The following TBC1D5 variants were observed in gnomAD, a reference collection of about 807,000 sequenced individuals.
TBC1D5 encodes TBC1 domain family member 5.
Under a neutral mutation model 100.3 loss-of-function variants are expected in TBC1D5, and 75 were observed. The observed-to-expected ratio is 0.75, with a 90% CI of 0.62 to 0.91. The LOEUF (loss-of-function observed/expected upper bound fraction) is 0.91, where lower values mean the gene tolerates loss of function less well. TBC1D5 is among the 40% of genes least tolerant of loss of function. The pLI is 0.00. For synonymous variants in TBC1D5, 323 were observed against 325.6 expected (o/e 0.99, Z 0.09); for missense variants, 910 against 942.4 (o/e 0.97, Z 0.45).
At chr3:17,658,401 C>T (rs1459762273) in intron 1 of TBC1D5, among the ~76,000 whole-genome samples, 1 of 152,144 alleles carries the variant, frequency 6.6e-6, no homozygotes, top group African/African-American at 2.4e-5. Flanking sequence ...GAAGAAATTA[C>T]AGTTGCTCTT....
At position 17,360,716 on chromosome 3, in the gene TBC1D5, A is replaced by C. The variant is rs566877215; in HGVS notation, c.995+11359T>G. On this transcript the variant is annotated intron_variant, in intron 13 of 21. Coordinates refer to ENST00000253692, the Ensembl canonical transcript of TBC1D5. ...CTAATAAATACAAATTTAAAAATAAAGTCTTAGTTGCAGAGTTAAAATTAT... is the reference window on the plus strand; with the variant it reads ...CTAATAAATACAAATTTAAAAATAACGTCTTAGTTGCAGAGTTAAAATTAT... Among the ~76,000 whole-genome samples, 537 of 152,142 alleles carry C rather than the reference A, an allele frequency of 3.5e-3. 5 individuals carry two copies. Among genetic ancestry groups the C allele is most frequent in the Non-Finnish European group, 6.4e-3 (435 of 67,876 alleles).
At chr3:17,713,743 A>G (rs549880351) in intron 1 of TBC1D5, among the ~76,000 whole-genome samples, 1 of 152,348 alleles carries the variant, frequency 6.6e-6, no homozygotes, top group East Asian at 1.9e-4. Flanking sequence ...ACATATCTCC[A>G]AAGAAGATAT....
intron 3 of TBC1D5, among the ~76,000 whole-genome samples, chr3:17,469,910 C>T (rs988901434): frequency 2.6e-5 from 4 of 152,194 alleles, no homozygotes; most frequent in African/African-American, 9.7e-5. Context: ...GCAGTACACA[C>T]TAAAATAAAA....
At chr3:17,347,048 T>A (rs1015311934) in intron 13 of TBC1D5, among the ~76,000 whole-genome samples, 4 of 152,242 alleles carry the variant, frequency 2.6e-5, no homozygotes, top group Non-Finnish European at 5.9e-5. Context: ...TTTACCTTTA[T>A]TTAAATTATA....
chr3:17,346,422 C>A (rs2089885617), intron 13 of TBC1D5, among the ~76,000 whole-genome samples: 1 of 151,984 alleles, frequency 6.6e-6, no homozygotes, highest in Admixed American at 6.6e-5. Context: ...GTACCACCTG[C>A]CCATTTTTCT....
intron 17 of TBC1D5, among the ~76,000 whole-genome samples, chr3:17,236,488 GA>G (rs1051013013): frequency 2.7e-5 from 4 of 150,770 alleles, no homozygotes; most frequent in Non-Finnish European, 5.9e-5. Context: ...TTTTCAACGA[GA>G]TTTTTTTTTT....
intron 13 of TBC1D5, among the ~76,000 whole-genome samples, chr3:17,312,394 G>A (rs1239348666): frequency 1.3e-5 from 2 of 152,132 alleles, no homozygotes; most frequent in Non-Finnish European, 2.9e-5. Flanking sequence ...AAAACTATTT[G>A]GTATCTGAAT....
intron 2 of TBC1D5, among the ~76,000 whole-genome samples, chr3:17,600,495 TAA>T (rs1365326624): frequency 6.6e-6 from 1 of 152,190 alleles, no homozygotes; most frequent in Non-Finnish European, 1.5e-5. Flanking sequence ...TTAAAATATT[TAA>T]AGATTCCATG....
chr3:17,268,404 A>G (rs1351926822), intron 15 of TBC1D5, among the ~76,000 whole-genome samples: 1 of 152,118 alleles, frequency 6.6e-6, no homozygotes, highest in Non-Finnish European at 1.5e-5. Flanking sequence ...TCTCCTTTCT[A>G]GAATAATGTT....
chr3:17,681,712 CAT>C (rs1255183711), intron 1 of TBC1D5, among the ~76,000 whole-genome samples: 1 of 151,534 alleles, frequency 6.6e-6, no homozygotes, highest in Non-Finnish European at 1.5e-5. Flanking sequence ...AAATGTCAAA[CAT>C]ACTACAAATT....
intron 3 of TBC1D5, among the ~76,000 whole-genome samples, chr3:17,455,135 A>C (rs1406190773): frequency 6.8e-6 from 1 of 147,106 alleles, no homozygotes; most frequent in African/African-American, 2.5e-5. Context: ...AAAATAACCA[A>C]AGCTATCCTA....
intron 19 of TBC1D5, among the ~76,000 whole-genome samples, chr3:17,174,094 C>A (rs887251371): frequency 6.6e-6 from 1 of 152,172 alleles, no homozygotes; most frequent in Non-Finnish European, 1.5e-5. Flanking sequence ...ACATGTCCTG[C>A]CTTTTCTTCA....
At chr3:17,271,383 T>C (rs2079407086) in intron 15 of TBC1D5, among the ~76,000 whole-genome samples, 1 of 152,092 alleles carries the variant, frequency 6.6e-6, no homozygotes, top group Non-Finnish European at 1.5e-5. Context: ...GTGAAGGAGA[T>C]TACATTCTTG....
At chr3:17,576,105 T>C (rs1233871879) in intron 2 of TBC1D5, among the ~76,000 whole-genome samples, 1 of 152,138 alleles carries the variant, frequency 6.6e-6, no homozygotes, top group African/African-American at 2.4e-5. Flanking sequence ...TTAAATTGCC[T>C]ATTCTTGGAT....
intron 13 of TBC1D5, among the ~76,000 whole-genome samples, chr3:17,314,226 A>G (rs1017140343): frequency 6.6e-6 from 1 of 152,146 alleles, no homozygotes; most frequent in South Asian, 2.1e-4. Context: ...GGTATGAGGC[A>G]TAGAGTAGGG....
intron 18 of TBC1D5, among the ~76,000 whole-genome samples, chr3:17,197,365 G>C (rs566579303): frequency 6.6e-6 from 1 of 152,040 alleles, no homozygotes; most frequent in East Asian, 1.9e-4. Context: ...AAGCCCTGGG[G>C]TTTTTATCTT....
At chr3:17,547,773 T>C (rs1306679152) in intron 2 of TBC1D5, among the ~76,000 whole-genome samples, 1 of 152,156 alleles carries the variant, frequency 6.6e-6, no homozygotes, top group Non-Finnish European at 1.5e-5. Context: ...CACATGAGGA[T>C]AGTTGATTTC....
chr3:17,312,875 G>C (rs544195880), intron 13 of TBC1D5, among the ~76,000 whole-genome samples: 5 of 152,278 alleles, frequency 3.3e-5, no homozygotes, highest in Admixed American at 6.5e-5. Context: ...TCATGAACAT[G>C]TTGGGTACAG....
At chr3:17,615,853 C>A (rs534185521) in intron 2 of TBC1D5, among the ~76,000 whole-genome samples, 280 of 152,114 alleles carry the variant, frequency 1.8e-3, no homozygotes, top group Non-Finnish European at 3.2e-3. Flanking sequence ...GGATTCATTG[C>A]ATTTTTTGAA....
Sources: gnomAD v4.1 joint callset for allele counts (sites outside exome capture counted in the v4.1 genomes callset) on GRCh38, gnomAD v4.1.1 for gene constraint, MANE v1.5 for transcripts, NCBI Gene and HGNC (gene_info 2026-07-23, HGNC 2026-07-21) for gene names.